Variants in KLRG1 observed in about 807,000 individuals in gnomAD.
KLRG1 encodes killer cell lectin-like receptor subfamily G member 1.
A neutral mutation model predicts 21.8 loss-of-function variants in KLRG1; 16 were observed. The ratio of observed to expected loss-of-function variants is 0.73; its 90% confidence interval spans 0.50 to 1.11. KLRG1 has a LOEUF of 1.11. KLRG1 is among the 50% of genes most tolerant of loss of function. The pLI is 0.00. For missense variants in KLRG1, 173 were observed against 218.3 expected (o/e 0.79, Z 1.31); for synonymous variants, 69 against 75.9 (o/e 0.91, Z 0.47).
the KLRG1 span, chr12:9,104,325 A>G: frequency 1.2e-6 from 2 of 1,611,396 alleles, no homozygotes; most frequent in Admixed American, 3.3e-5. Flanking sequence ...GCATTGGAGT[A>G]ATAGTTTGCT....
At chr12:9,201,353 T>C in the KLRG1 span, 4 of 1,557,908 alleles carry the variant, frequency 2.6e-6, no homozygotes, top group Admixed American at 3.5e-5. Context: ...GGAATCTATA[T>C]GATAAAAGGA....
chr12:8,965,422 G>A (rs1946453007), intron 1 of KLRG1, among the ~76,000 whole-genome samples: 1 of 152,188 alleles, frequency 6.6e-6, no homozygotes, highest in African/African-American at 2.4e-5. Context: ...TGACATGATT[G>A]TATACCTAGA....
At chr12:9,123,049 A>G in the KLRG1 span, among the ~76,000 whole-genome samples, 1 of 152,192 alleles carries the variant, frequency 6.6e-6, no homozygotes, top group Admixed American at 6.5e-5. Flanking sequence ...ATTAGAAAAT[A>G]AAACATGTTA....
chr12:9,168,276 A>C, the KLRG1 span, among the ~76,000 whole-genome samples: 1 of 152,206 alleles, frequency 6.6e-6, no homozygotes, highest in Non-Finnish European at 1.5e-5. Context: ...CGAGCATATA[A>C]ATATTTGTGA....
At chr12:9,008,626 G>A (rs924269885) in intron 3 of KLRG1, among the ~76,000 whole-genome samples, 5 of 151,066 alleles carry the variant, frequency 3.3e-5, no homozygotes, top group African/African-American at 4.9e-5. Context: ...CTTGCACATG[G>A]CTGCCTTTTT....
the KLRG1 span, among the ~76,000 whole-genome samples, chr12:9,148,110 T>C: frequency 6.6e-6 from 1 of 152,222 alleles, no homozygotes; most frequent in Non-Finnish European, 1.5e-5. Flanking sequence ...CTTTAGAAAT[T>C]ATTTTAAGCA....
chr12:9,148,345 G>C, the KLRG1 span, among the ~76,000 whole-genome samples: 2 of 152,020 alleles, frequency 1.3e-5, no homozygotes, highest in African/African-American at 4.8e-5. Flanking sequence ...TTTATTCTTT[G>C]AAGATTTTAA....
chr12:9,121,490 G>A, the KLRG1 span, among the ~76,000 whole-genome samples: 252 of 152,218 alleles, frequency 1.7e-3, no homozygotes, highest in Non-Finnish European at 2.8e-3. This position sits in a 1 kb window ranked among gnomAD's most constrained non-coding sequence, Gnocchi z 4.4. Flanking sequence ...GCAGTGAGCC[G>A]AGATCACGCC....
At chr12:9,045,793 A>G in the KLRG1 span, among the ~76,000 whole-genome samples, 11 of 152,184 alleles carry the variant, frequency 7.2e-5, no homozygotes, top group African/African-American at 2.7e-4. Flanking sequence ...ATCAACCCAA[A>G]TGTCCATCAG....
the KLRG1 span, among the ~76,000 whole-genome samples, chr12:9,108,458 G>A: frequency 2.0e-5 from 3 of 152,266 alleles, no homozygotes; most frequent in South Asian, 2.1e-4. Flanking sequence ...GGATTGTGTC[G>A]TAAATATGTC....
At chr12:9,192,191 A>C in the KLRG1 span, 1 of 1,610,530 alleles carries the variant, frequency 6.2e-7, no homozygotes, top group Non-Finnish European at 8.5e-7. Flanking sequence ...GAGGATACTC[A>C]CTGTCTCCTG....
intron 3 of KLRG1, among the ~76,000 whole-genome samples, chr12:9,004,217 C>T (rs1947398070): frequency 6.6e-6 from 1 of 152,054 alleles, no homozygotes; most frequent in Admixed American, 6.6e-5. Flanking sequence ...GGGAATATAC[C>T]CAGTAATGGG....
the KLRG1 span, chr12:9,070,657 T>C: frequency 6.4e-6 from 6 of 941,392 alleles, no homozygotes; most frequent in Non-Finnish European, 9.9e-6. Flanking sequence ...TGTTAAGCAT[T>C]CCACAGCTCT....
chr12:9,139,539 A>G, the KLRG1 span, among the ~76,000 whole-genome samples: 1 of 152,094 alleles, frequency 6.6e-6, no homozygotes, highest in African/African-American at 2.4e-5. Flanking sequence ...GAAGTTTCCT[A>G]CTATTATTTT....
At chr12:9,150,734 T>C in the KLRG1 span, 3 of 1,610,862 alleles carry the variant, frequency 1.9e-6, no homozygotes, top group Non-Finnish European at 2.5e-6. Flanking sequence ...AAACTTAGCG[T>C]CTGATTTGTC....
chr12:9,118,363 A>C, the KLRG1 span, among the ~76,000 whole-genome samples: 3 of 152,180 alleles, frequency 2.0e-5, no homozygotes, highest in Admixed American at 2.0e-4. Flanking sequence ...CTTTCAGTTC[A>C]TGACTTAAAA....
chr12:9,057,852 C>T, the KLRG1 span: 2 of 152,140 alleles, frequency 1.3e-5, no homozygotes, highest in African/African-American at 2.4e-5. Flanking sequence ...TCATTGTGCT[C>T]CCTAATGGCT....
chr12:9,196,301 GCTTACCTGTGCATTACAACATAT>G, the KLRG1 span: 1 of 1,490,598 alleles, frequency 6.7e-7, no homozygotes, highest in South Asian at 1.1e-5. Context: ...TGGATACTTT[GCTTACCTGTGCATTACAACATAT>G]CTTACCTGTG....
chr12:9,074,621 G>GT, the KLRG1 span: 8 of 1,613,934 alleles, frequency 5.0e-6, no homozygotes, highest in Non-Finnish European at 6.8e-6. Flanking sequence ...CACGATGTTG[G>GT]TTGCAGAGGT....
Sources: allele counts gnomAD v4.1 joint callset (sites outside exome capture counted in the v4.1 genomes callset), GRCh38; gene constraint gnomAD v4.1.1; non-coding constraint Gnocchi (gnomAD v3.1); transcripts MANE v1.5; gene names NCBI Gene and HGNC (gene_info 2026-07-23, HGNC 2026-07-21).